The following PTPRN2 variants were observed in gnomAD, a reference collection of about 807,000 sequenced individuals.
PTPRN2 encodes the protein protein tyrosine phosphatase receptor type N2.
Under a neutral mutation model 118.8 loss-of-function variants are expected in PTPRN2, and 74 were observed. The observed-to-expected ratio is 0.62, with a 90% confidence interval of 0.52 to 0.76. The LOEUF (loss-of-function observed/expected upper bound fraction) is 0.76. Among genes scored for constraint, PTPRN2 ranks in the 30% least tolerant of loss-of-function variants. PTPRN2 has a pLI of 0.00. For synonymous variants in PTPRN2, 641 were observed against 608.0 expected, an observed-to-expected ratio of 1.05 and a Z score of -0.80; for missense variants, 1,481 against 1,394.4, an observed-to-expected ratio of 1.06 and a Z score of -0.99.
At chr7:157,755,121 G>A (rs937084103) in intron 12 of PTPRN2, among the ~76,000 whole-genome samples, 2 of 152,182 alleles carry the variant, frequency 1.3e-5, no homozygotes, top group Non-Finnish European at 2.9e-5. Flanking sequence ...CCTGGGCTCA[G>A]CAATCTGCCT....
At chr7:158,291,046 T>C (rs974473600) in intron 3 of PTPRN2, among the ~76,000 whole-genome samples, 1 of 152,346 alleles carries the variant, frequency 6.6e-6, no homozygotes, top group Middle Eastern at 3.4e-3. Context: ...AAGAGCAGGA[T>C]GCAGAGATGG....
chr7:158,127,147 C>T (rs1315331314), intron 9 of PTPRN2, among the ~76,000 whole-genome samples: 1 of 152,192 alleles, frequency 6.6e-6, no homozygotes, highest in Non-Finnish European at 1.5e-5. Flanking sequence ...CACATTCTTC[C>T]CTCAGCCGGC....
At chr7:158,041,470 T>C (rs942171275) in intron 11 of PTPRN2, among the ~76,000 whole-genome samples, 1 of 152,058 alleles carries the variant, frequency 6.6e-6, no homozygotes, top group Non-Finnish European at 1.5e-5. Context: ...AAACCCTGTT[T>C]CCACTAAAAA....
In PTPRN2 at chr7:157,619,398, C is replaced by T. The variant is rs1043232578; in HGVS notation, c.2344+1964G>A. Among the ~76,000 whole-genome samples, 5 of 152,184 alleles carry T rather than the reference C, an allele frequency of 3.3e-5. No homozygotes were observed. The highest frequency in any genetic ancestry group is 1.2e-4 in the African/African-American group (5 of 41,450). ...CCCGCTCACCACCACCCTCACTTGT[C>T]CTACCACACCGGCTTCACTCCCCGC... On this transcript the variant is annotated intron_variant, in intron 15 of 22. Transcript: ENST00000389418. The surrounding 1 kb of genome is among the most constrained non-coding windows in gnomAD (Gnocchi z 5.3).
chr7:158,018,599 G>C (rs919843008), intron 11 of PTPRN2, among the ~76,000 whole-genome samples: 1 of 152,094 alleles, frequency 6.6e-6, no homozygotes. Context: ...TGGCTGCCTC[G>C]GTGTACTGTT....
At chr7:157,721,497 A>G (rs10256772) in intron 12 of PTPRN2, among the ~76,000 whole-genome samples, 114,205 of 152,192 alleles carry the variant, frequency 0.75, 43,150 homozygotes, top group African/African-American at 0.83. Flanking sequence ...TCGGATGTGC[A>G]CAGCTGCGTT....
chr7:157,606,652 G>A (rs952134373), intron 15 of PTPRN2, among the ~76,000 whole-genome samples: 1 of 152,238 alleles, frequency 6.6e-6, no homozygotes, highest in Admixed American at 6.5e-5. Flanking sequence ...CTCCAAACTC[G>A]CTGCGCACCT....
intron 11 of PTPRN2, among the ~76,000 whole-genome samples, chr7:158,064,461 GGGGGAGCCT>G (rs1027948253): frequency 2.0e-5 from 3 of 152,082 alleles, no homozygotes; most frequent in Non-Finnish European, 4.4e-5. Context: ...TGGGGGAGCC[GGGGGAGCCT>G]GGGGAGCCCA....
Position 157,676,428 on chromosome 7 carries a change from G to A in PTPRN2, c.2001+6297C>T, listed in dbSNP as rs1259104867. Among the ~76,000 whole-genome samples the A allele has an allele frequency of 6.6e-6, 1 of 152,188 alleles. No individual in the cohort carries two copies. The highest frequency in any genetic ancestry group is 1.5e-5 in the Non-Finnish European group (1 of 68,050). On this transcript the variant is annotated intron_variant, in intron 13 of 22. Transcript: ENST00000389418. This position sits in a 1 kb window ranked among gnomAD's most constrained non-coding sequence, Gnocchi z 5.6. ...GATGCGTGGACTAATGCTGTTTACC[G>A]CCGGTTCACTTTCATTGCAAACTCC...
intron 6 of PTPRN2, among the ~76,000 whole-genome samples, chr7:158,150,324 A>G (rs111653817): frequency 6.6e-6 from 1 of 152,196 alleles, no homozygotes; most frequent in African/African-American, 2.4e-5. Context: ...TTCAGCTGAC[A>G]AGCATGTTCC....
chr7:158,011,320 T>G (rs1205881048), intron 11 of PTPRN2, among the ~76,000 whole-genome samples: 1 of 152,252 alleles, frequency 6.6e-6, no homozygotes, highest in African/African-American at 2.4e-5. Context: ...TGTTAAAAGT[T>G]GGTAGAGGCC....
At chr7:157,621,597 C>T (rs533534225) in intron 14 of PTPRN2, 88 bp from the exon 15 acceptor site, 52 of 1,536,730 alleles carry the variant, frequency 3.4e-5, no homozygotes, top group African/African-American at 6.8e-5. Context: ...CCTTTGCACT[C>T]GCCGCGTGGG....
chr7:158,409,542 T>C (rs1019073388), intron 2 of PTPRN2, among the ~76,000 whole-genome samples: 1 of 152,216 alleles, frequency 6.6e-6, no homozygotes, highest in African/African-American at 2.4e-5. Context: ...TTCCATGTTA[T>C]GAACATGCCT....
At chr7:158,312,254 ACGCACT>A (rs1337153005) in intron 3 of PTPRN2, among the ~76,000 whole-genome samples, 1 of 110,320 alleles carries the variant, frequency 9.1e-6, no homozygotes, top group Non-Finnish European at 2.4e-5. Context: ...ACACCTGCAC[ACGCACT>A]CACGTGCTCA....
In PTPRN2 at chr7:157,676,057, G is replaced by A. The variant is rs1048042549; in HGVS notation, c.2001+6668C>T. 3.3e-5 allele frequency among the ~76,000 whole-genome samples: 5 copies of A among 152,056 alleles called. No individual in the cohort carries two copies. The highest frequency in any genetic ancestry group is 5.9e-5 in the Non-Finnish European group (4 of 67,996). ...ACACCGAGCCATGGACCGTCCCTTG[G>A]AGCGCCACAGACTGCAGGGTTTGTC... On this transcript the variant is annotated intron_variant, in intron 13 of 22. Transcript: ENST00000389418. This position sits in a 1 kb window ranked among gnomAD's most constrained non-coding sequence, Gnocchi z 5.6.
intron 12 of PTPRN2, among the ~76,000 whole-genome samples, chr7:157,748,775 C>G (rs1801227240): frequency 1.9e-5 from 2 of 104,448 alleles, no homozygotes; most frequent in African/African-American, 8.4e-5. Context: ...CGTCCCTGAG[C>G]TGTGGGCTGT....
intron 2 of PTPRN2, among the ~76,000 whole-genome samples, chr7:158,420,135 TCC>T (rs1437875936): frequency 2.0e-5 from 3 of 152,148 alleles, no homozygotes; most frequent in Admixed American, 1.3e-4. Context: ...GAACATGTTC[TCC>T]CTCCCAATTC....
intron 12 of PTPRN2, among the ~76,000 whole-genome samples, chr7:157,696,618 A>G (rs1457112776): frequency 2.1e-5 from 3 of 140,150 alleles, no homozygotes; most frequent in Admixed American, 7.1e-5. Context: ...AGCCCTCACC[A>G]TCTACCCATG....
Position 157,548,221 on chromosome 7 carries a change from G to GCAA in PTPRN2, c.2976+722_2976+724dup, listed in dbSNP as rs538184889. On this transcript the variant is annotated intron_variant, in intron 22 of 22. Coordinates refer to ENST00000389418, the MANE Select transcript of PTPRN2 (RefSeq NM_002847.5). Reference sequence around the variant, plus strand: ...ACAGAGTGAGACTCTGTCTCAGAAAGCAACAACAACAACAAACAAACAACA... The same window carrying GCAA: ...ACAGAGTGAGACTCTGTCTCAGAAAGCAACAACAACAACAACAAACAAACAACA... Among the ~76,000 whole-genome samples the GCAA allele has an allele frequency of 4.6e-3, 698 of 152,186 alleles. 4 individuals are homozygous for GCAA. Among genetic ancestry groups the GCAA allele is most frequent in the Non-Finnish European group, 7.3e-3 (498 of 68,006 alleles).
Sources: gnomAD v4.1 joint callset for allele counts (sites outside exome capture counted in the v4.1 genomes callset) on GRCh38, gnomAD v4.1.1 for gene constraint, Gnocchi (gnomAD v3.1) non-coding constraint, MANE v1.5 for transcripts, NCBI Gene and HGNC (gene_info 2026-07-23, HGNC 2026-07-21) for gene names.